Variants in URGCP observed in about 807,000 individuals in gnomAD.
URGCP encodes up-regulator of cell proliferation.
Under a neutral mutation model 24.6 loss-of-function variants are expected in URGCP, and 13 were observed. That is an observed-to-expected ratio of 0.53 (90% CI 0.34 to 0.84). The LOEUF (loss-of-function observed/expected upper bound fraction) is 0.84. URGCP is among the 40% of genes least tolerant of loss of function. URGCP has a pLI of 0.01. For synonymous variants in URGCP, 444 were observed against 487.2 expected (o/e 0.91, Z 1.17); for missense variants, 899 against 1,194.3 (o/e 0.75, Z 3.64).
chr7:43,878,404 T>A lies in URGCP; in HGVS notation c.1059A>T (p.Glu353Asp). ...SHWLQFKLLT[E>D]ISSAVFILTD... ...TCAATATAAACACAGCGGAGGAGAT[T>A]TCTGTCAAGAGCTTAAACTGCAGCC... The change falls in exon 6 of 6, where the codon GAA becomes GAT. Residue 353 changes from glutamate to aspartate, a missense_variant. Glu to Asp is a conservative substitution (Grantham distance 45). Transcript: ENST00000453200. The surrounding 1 kb of genome is among the most constrained non-coding windows in gnomAD (Gnocchi z 5.6). The A allele has an allele frequency of 6.2e-7, 1 of 1,614,208 alleles. No individual in the cohort carries two copies.
chr7:43,913,212 G>T (rs1017500715), intron 1 of URGCP, among the ~76,000 whole-genome samples: 27 of 149,274 alleles, frequency 1.8e-4, no homozygotes, highest in African/African-American at 4.4e-4. Context: ...AGTTTTTTTT[G>T]TTTGTTTGTT....
Position 43,877,327 on chromosome 7 carries a change from C to T in URGCP, c.2136G>A (p.Met712Ile), listed in dbSNP as rs772916628. ...TCCCTGTGGCAAACCGCAGCCCAAA[C>T]ATGGTGTTGAGGAGTGTGGACTTGC... Reference protein sequence around the residue: ...GTGKSTLLNTMFGLRFATGKS... With the variant: ...GTGKSTLLNTIFGLRFATGKS... Residue 712 changes from methionine to isoleucine, a missense_variant, in exon 6 of 6, where the codon ATG becomes ATA. Physicochemically the swap from Met to Ile is conservative, Grantham distance 10. Transcript: ENST00000453200. 6 of 1,612,916 alleles carry T rather than the reference C, an allele frequency of 3.7e-6. No individual in the cohort carries two copies.
intron 1 of URGCP, among the ~76,000 whole-genome samples, chr7:43,891,961 T>C (rs566624087): frequency 1.3e-5 from 2 of 152,260 alleles, no homozygotes; most frequent in East Asian, 3.9e-4. Context: ...TTTGTATTTT[T>C]AGTAGAGATG....
At chr7:43,908,125 A>G (rs1304711270), upstream of URGCP, among the ~76,000 whole-genome samples, 2 of 152,254 alleles carry the variant, frequency 1.3e-5, no homozygotes, top group African/African-American at 4.8e-5. Flanking sequence ...CCTGTCACCC[A>G]GGCCAGAGTG....
At chr7:43,892,435 T>A (rs950062764) in intron 1 of URGCP, among the ~76,000 whole-genome samples, 2 of 151,742 alleles carry the variant, frequency 1.3e-5, no homozygotes, top group South Asian at 2.1e-4. Flanking sequence ...TTTTTTTTTT[T>A]AACTCACCAG....
chr7:43,883,355 T>TAC, intron 3 of URGCP, among the ~76,000 whole-genome samples: 1 of 101,138 alleles, frequency 9.9e-6, no homozygotes, highest in Non-Finnish European at 1.8e-5. Context: ...TATATATATA[T>TAC]ATATATATTT....
intron 3 of URGCP, among the ~76,000 whole-genome samples, chr7:43,882,309 G>A (rs539473071): frequency 3.3e-4 from 51 of 152,308 alleles, no homozygotes; most frequent in African/African-American, 1.2e-3. Context: ...TGGGCGTGGT[G>A]GCGCATGCCT....
upstream of URGCP, among the ~76,000 whole-genome samples, chr7:43,910,258 C>T (rs2095908538): frequency 6.6e-6 from 1 of 152,124 alleles, no homozygotes; most frequent in Non-Finnish European, 1.5e-5. Flanking sequence ...CTCTGTTGCC[C>T]AGGCTGAAGT....
Position 43,881,969 on chromosome 7 carries a change from A to T in URGCP, c.113-12T>A. ...TCTCCATTCCAAATCTAGAAGAAAA[A>T]AGAAACCAAATACATTTAGTTTCAT... On this transcript the variant is annotated splice_polypyrimidine_tract_variant and intron_variant, in intron 3 of 5. Transcript: ENST00000453200. The T allele has an allele frequency of 1.2e-6, 2 of 1,614,138 alleles. No individual in the cohort carries two copies. Among genetic ancestry groups the T allele is most frequent in the Non-Finnish European group, 1.7e-6 (2 of 1,180,026 alleles).
intron 1 of URGCP, among the ~76,000 whole-genome samples, chr7:43,925,815 T>TTTTTTTTTTC (rs1554293880): frequency 6.9e-6 from 1 of 144,838 alleles, no homozygotes; most frequent in Non-Finnish European, 1.5e-5. Context: ...TTTTTTTTTT[T>TTTTTTTTTTC]CAAAAAAATG....
At chr7:43,910,519 A>G (rs1381799744), upstream of URGCP, among the ~76,000 whole-genome samples, 6 of 149,572 alleles carry the variant, frequency 4.0e-5, no homozygotes, top group African/African-American at 1.2e-4. Flanking sequence ...GTGAGCCACC[A>G]TGCCTGGTCC....
chr7:43,880,993 C>A, intron 5 of URGCP: 1 of 579,298 alleles, frequency 1.7e-6, no homozygotes, highest in Admixed American at 3.0e-5. Context: ...ATTGTGGCCA[C>A]AGGACTGCCC....
At chr7:43,921,711 G>C (rs1338246288) in intron 1 of URGCP, among the ~76,000 whole-genome samples, 2 of 152,232 alleles carry the variant, frequency 1.3e-5, no homozygotes, top group Non-Finnish European at 1.5e-5. Context: ...AGAAGGAATG[G>C]ACATGGAAAT....
intron 1 of URGCP, among the ~76,000 whole-genome samples, chr7:43,925,145 T>C (rs1237103615): frequency 6.6e-6 from 1 of 152,212 alleles, no homozygotes; most frequent in Non-Finnish European, 1.5e-5. Context: ...TGGGTAAGGA[T>C]GCAGTGTGGT....
At chr7:43,898,586 G>C (rs1343437359) in intron 1 of URGCP, among the ~76,000 whole-genome samples, 1 of 151,934 alleles carries the variant, frequency 6.6e-6, no homozygotes, top group Non-Finnish European at 1.5e-5. Context: ...GAGCAACACA[G>C]TGAAACCCCA....
chr7:43,885,421 A>C (rs1411699296), intron 3 of URGCP, among the ~76,000 whole-genome samples: 1 of 152,162 alleles, frequency 6.6e-6, no homozygotes, highest in East Asian at 1.9e-4. Context: ...ACTTTAATAC[A>C]ACTTGTTTTT....
upstream of URGCP, among the ~76,000 whole-genome samples, chr7:43,908,721 T>A (rs1438852204): frequency 2.0e-5 from 3 of 152,286 alleles, no homozygotes; most frequent in African/African-American, 7.2e-5. Flanking sequence ...TTGAAAGAAT[T>A]CCTCTTTCTC....
At position 43,877,511 on chromosome 7, in the gene URGCP, G is replaced by C; in HGVS notation, c.1952C>G (p.Ser651Trp). 2 of 1,613,208 alleles carry C rather than the reference G, an allele frequency of 1.2e-6. No individual in the cohort carries two copies. Among genetic ancestry groups the C allele is most frequent in the Non-Finnish European group, 1.7e-6 (2 of 1,180,020 alleles). ...AGGCAGCCCTGTCAGCAGCAGCTCCGAGGCCAAGCCTGGGAAGTGGGCAAA... is the reference window on the plus strand; with the variant it reads ...AGGCAGCCCTGTCAGCAGCAGCTCCCAGGCCAAGCCTGGGAAGTGGGCAAA... ...RRFAHFPGLA[S>W]ELLLTGLPLE... is the part of the protein sequence containing the mutation. The change falls in exon 6 of 6, where the codon TCG becomes TGG. Residue 651 changes from serine to tryptophan, a missense_variant. By Grantham distance (177) the Ser-to-Trp change is radical. Transcript: ENST00000453200.
intron 1 of URGCP, among the ~76,000 whole-genome samples, chr7:43,901,914 G>A (rs1305035005): frequency 6.6e-6 from 1 of 152,178 alleles, no homozygotes; most frequent in Non-Finnish European, 1.5e-5. Flanking sequence ...AGCTTCCAAG[G>A]TAGATGAGTC....
Sources: gnomAD v4.1 joint callset for allele counts (sites outside exome capture counted in the v4.1 genomes callset) on GRCh38, gnomAD v4.1.1 for gene constraint, Gnocchi (gnomAD v3.1) non-coding constraint, MANE v1.5 for transcripts, NCBI Gene and HGNC (gene_info 2026-07-23, HGNC 2026-07-21) for gene names.